The following TMEM150C variants were observed in gnomAD, a reference collection of about 807,000 sequenced individuals.
TMEM150C encodes transmembrane protein 150C.
TMEM150C carries 10 observed loss-of-function variants against 29.9 expected under a neutral mutation model. The ratio of observed to expected loss-of-function variants is 0.33; its 90% CI spans 0.21 to 0.57. The LOEUF (loss-of-function observed/expected upper bound fraction) is 0.57. Ranked by LOEUF, TMEM150C falls within the 20% of genes least tolerant of loss-of-function variation. The probability of loss-of-function intolerance (pLI) is 0.88; values close to 1 mark genes in which losing one functional copy is unlikely to be tolerated. For missense variants in TMEM150C, 251 were observed against 303.6 expected, an observed-to-expected ratio of 0.83 and a Z score of 1.29; for synonymous variants, 101 against 112.5, an observed-to-expected ratio of 0.90 and a Z score of 0.64.
intron 5 of TMEM150C, among the ~76,000 whole-genome samples, chr4:82,498,438 C>T (rs775568535): frequency 3.3e-5 from 5 of 152,168 alleles, no homozygotes; most frequent in Admixed American, 6.5e-5. Flanking sequence ...TACAGGTGCA[C>T]GCCACCAAGC....
At chr4:82,546,551 G>A (rs1419950388) in intron 1 of TMEM150C, among the ~76,000 whole-genome samples, 2 of 152,122 alleles carry the variant, frequency 1.3e-5, no homozygotes, top group South Asian at 2.1e-4. Context: ...AACTGGGGCC[G>A]GGCGTGGTGG....
chr4:82,561,815 C>A, intron 1 of TMEM150C, 91 bp downstream of exon 1: 1 of 908,664 alleles, frequency 1.1e-6, no homozygotes, highest in Non-Finnish European at 1.3e-6. Context: ...CCGCCGTCCC[C>A]GGTCTCCGCC....
intron 1 of TMEM150C, among the ~76,000 whole-genome samples, chr4:82,526,041 A>C (rs771446616): frequency 2.4e-4 from 37 of 152,212 alleles, no homozygotes; most frequent in South Asian, 6.2e-4. Flanking sequence ...AATAGCTGGG[A>C]CTACAGGTGT....
chr4:82,495,994 C>T lies in TMEM150C; in HGVS notation c.363+74G>A, dbSNP rs77485239. On this transcript the variant is annotated intron_variant, in intron 6 of 7. Coordinates refer to ENST00000449862, the MANE Select transcript of TMEM150C (RefSeq NM_001080506.3). ...TATGGGCCATATGGTGATTATACCT[C>T]AATAGCTTTGATAGTCTCAGAAGTG... 3.0e-4 allele frequency: 473 copies of T among 1,589,262 alleles called. No individual in the cohort carries two copies. The African/African-American group carries it at 5.4e-3, about 18-fold the overall frequency.
intron 1 of TMEM150C, among the ~76,000 whole-genome samples, chr4:82,516,038 G>A (rs1367393285): frequency 6.6e-6 from 1 of 152,032 alleles, no homozygotes; most frequent in East Asian, 1.9e-4. Context: ...CAACACCTCA[G>A]GCCTGGTTCA....
At chr4:82,521,138 G>A (rs1724471596) in intron 1 of TMEM150C, among the ~76,000 whole-genome samples, 1 of 152,130 alleles carries the variant, frequency 6.6e-6, no homozygotes, top group Admixed American at 6.5e-5. Context: ...CCTTCCCTGA[G>A]CATCCCATTG....
In TMEM150C at chr4:82,490,209, G is replaced by A. The variant is rs751531033; in HGVS notation, c.393C>T (p.Val131=). The A allele has an allele frequency of 5.6e-6, 9 of 1,613,794 alleles. No homozygotes were observed. Among genetic ancestry groups the A allele is most frequent in the Non-Finnish European group, 7.6e-6 (9 of 1,179,882 alleles). The part of the protein sequence containing the change: ...QLTNDEEIHN[V]GTSLTFGFGT... ...CAAATCCAAAGGTCAAGGAAGTTCC[G>A]ACGTTATGGATTTCTTCATCATTTG... Residue 131 remains valine, a synonymous_variant, in exon 7 of 8, where the codon GTC becomes GTT. Transcript: ENST00000449862.
At chr4:82,529,146 A>C (rs1171444756) in intron 1 of TMEM150C, among the ~76,000 whole-genome samples, 1 of 152,124 alleles carries the variant, frequency 6.6e-6, no homozygotes, top group Non-Finnish European at 1.5e-5. Context: ...GAGAAGCACC[A>C]GCAGTGGGAG....
intron 1 of TMEM150C, among the ~76,000 whole-genome samples, chr4:82,510,939 T>C (rs1475948917): frequency 6.6e-6 from 1 of 152,208 alleles, no homozygotes; most frequent in Non-Finnish European, 1.5e-5. Context: ...TATCATTCAT[T>C]TGTAATTATA....
chr4:82,499,240 T>C (rs1723651161), intron 5 of TMEM150C, among the ~76,000 whole-genome samples: 1 of 152,234 alleles, frequency 6.6e-6, no homozygotes, highest in South Asian at 2.1e-4. Context: ...CATCTTTATA[T>C]ATGCTAACTT....
intron 1 of TMEM150C, among the ~76,000 whole-genome samples, chr4:82,522,512 T>C (rs945536443): frequency 1.3e-5 from 2 of 152,132 alleles, no homozygotes; most frequent in African/African-American, 2.4e-5. Flanking sequence ...AAATCAAAAT[T>C]TGTACTTCCC....
intron 1 of TMEM150C, among the ~76,000 whole-genome samples, chr4:82,550,590 G>A (rs948874506): frequency 2.0e-5 from 3 of 151,978 alleles, no homozygotes; most frequent in Non-Finnish European, 4.4e-5. Context: ...CACGAGGTCA[G>A]GAGATCAAGA....
chr4:82,489,199 A>G (rs1437912296), intron 7 of TMEM150C, among the ~76,000 whole-genome samples: 1 of 151,788 alleles, frequency 6.6e-6, no homozygotes, highest in East Asian at 1.9e-4. Flanking sequence ...ACTCCATGGA[A>G]TGAGTGACTG....
chr4:82,560,567 A>G (rs1207064048), intron 1 of TMEM150C, among the ~76,000 whole-genome samples: 3 of 152,242 alleles, frequency 2.0e-5, no homozygotes, highest in African/African-American at 4.8e-5. Context: ...AACACATACA[A>G]GAAAAAGTTT....
chr4:82,520,966 C>A (rs1366355679), intron 1 of TMEM150C, among the ~76,000 whole-genome samples: 1 of 152,208 alleles, frequency 6.6e-6, no homozygotes, highest in Non-Finnish European at 1.5e-5. Context: ...GCACTACTCA[C>A]CCCTGGCTCC....
chr4:82,547,932 G>A (rs1000660370), intron 1 of TMEM150C, among the ~76,000 whole-genome samples: 1 of 152,130 alleles, frequency 6.6e-6, no homozygotes, highest in Admixed American at 6.5e-5. Context: ...ATTCACAATA[G>A]CAAAGACATG....
At chr4:82,549,556 T>A (rs1040090320) in intron 1 of TMEM150C, among the ~76,000 whole-genome samples, 1 of 152,220 alleles carries the variant, frequency 6.6e-6, no homozygotes, top group Admixed American at 6.5e-5. Context: ...AATGTTAATA[T>A]ACTTGGGACT....
intron 6 of TMEM150C, chr4:82,491,455 T>C: frequency 1.4e-6 from 1 of 689,892 alleles, no homozygotes; most frequent in South Asian, 1.5e-5. Context: ...TGCAACCTGA[T>C]ATAGCGGGGC....
chr4:82,547,418 A>G (rs929467677), intron 1 of TMEM150C, among the ~76,000 whole-genome samples: 1 of 151,870 alleles, frequency 6.6e-6, no homozygotes, highest in Admixed American at 6.6e-5. Context: ...GTGAAACCCC[A>G]TCTCTACTAA....
Sources: gnomAD v4.1 joint callset for allele counts (sites outside exome capture counted in the v4.1 genomes callset) on GRCh38, gnomAD v4.1.1 for gene constraint, MANE v1.5 for transcripts, NCBI Gene and HGNC (gene_info 2026-07-23, HGNC 2026-07-21) for gene names.